Variants in RABGAP1L observed in about 807,000 individuals in gnomAD.
The protein encoded by RABGAP1L is RAB GTPase activating protein 1 like, also known as rab GTPase-activating protein 1-like.
A neutral mutation model predicts 137.7 loss-of-function variants in RABGAP1L; 63 were observed. The observed-to-expected ratio is 0.46, with a 90% CI of 0.37 to 0.56. The LOEUF (loss-of-function observed/expected upper bound fraction) is 0.56. Ranked by LOEUF, RABGAP1L falls within the 20% of genes least tolerant of loss-of-function variation. The probability of loss-of-function intolerance (pLI) is 0.00; values close to 1 mark genes in which losing one functional copy is unlikely to be tolerated. For missense variants in RABGAP1L, 1,095 were observed against 1,244.0 expected (o/e 0.88, Z 1.80); for synonymous variants, 431 against 433.7 (o/e 0.99, Z 0.08).
chr1:174,444,810 A>G (rs1654558024), intron 13 of RABGAP1L, among the ~76,000 whole-genome samples: 1 of 151,684 alleles, frequency 6.6e-6, no homozygotes, highest in South Asian at 2.1e-4. Flanking sequence ...GATTTTATTT[A>G]TTTGAGTCTT....
At chr1:174,896,968 T>C (rs951976693) in intron 19 of RABGAP1L, 4 of 152,224 alleles carry the variant, frequency 2.6e-5, no homozygotes, top group Non-Finnish European at 2.9e-5. Flanking sequence ...TTTTTCCAAT[T>C]CTGTGAAGAA....
At chr1:174,300,291 C>T (rs182422249) in intron 10 of RABGAP1L, among the ~76,000 whole-genome samples, 15 of 151,970 alleles carry the variant, frequency 9.9e-5, no homozygotes, top group Non-Finnish European at 1.6e-4. Context: ...TTTGGGAGGC[C>T]GAGGCTGGTG....
At chr1:174,642,331 GATTT>G (rs149378988) in intron 14 of RABGAP1L, among the ~76,000 whole-genome samples, 1,811 of 152,168 alleles carry the variant, frequency 0.012, 39 homozygotes, top group African/African-American at 0.042. Flanking sequence ...AAAAAGATTG[GATTT>G]ATTATAAAAA....
chr1:174,340,362 A>G (rs998247903), intron 11 of RABGAP1L, among the ~76,000 whole-genome samples: 9 of 152,094 alleles, frequency 5.9e-5, no homozygotes, highest in African/African-American at 2.2e-4. Context: ...GATTTGCTGA[A>G]AAGATCAGTC....
At chr1:174,209,502 G>T (rs772836666) in intron 1 of RABGAP1L, among the ~76,000 whole-genome samples, 1 of 152,222 alleles carries the variant, frequency 6.6e-6, no homozygotes, top group Non-Finnish European at 1.5e-5. Flanking sequence ...ACAGGATAAG[G>T]CTCCTCTGCC....
At chr1:174,543,035 A>G (rs189570002) in intron 13 of RABGAP1L, among the ~76,000 whole-genome samples, 47 of 152,324 alleles carry the variant, frequency 3.1e-4, no homozygotes, top group Admixed American at 3.0e-3. Context: ...ATTATGGAAT[A>G]AGGGTGATGT....
At chr1:174,237,149 T>C (rs1036777853) in intron 4 of RABGAP1L, among the ~76,000 whole-genome samples, 3 of 151,946 alleles carry the variant, frequency 2.0e-5, no homozygotes, top group African/African-American at 7.3e-5. Flanking sequence ...CTTTTATTTT[T>C]GAGCCTATGT....
At chr1:174,271,310 A>T (rs529505787) in intron 7 of RABGAP1L, among the ~76,000 whole-genome samples, 1 of 152,236 alleles carries the variant, frequency 6.6e-6, no homozygotes, top group Non-Finnish European at 1.5e-5. Context: ...AGGACCAGTG[A>T]TCTTGCTCAT....
At chr1:174,783,955 G>A (rs1270407111) in intron 18 of RABGAP1L, among the ~76,000 whole-genome samples, 2 of 141,956 alleles carry the variant, frequency 1.4e-5, no homozygotes, top group Non-Finnish European at 3.0e-5. Flanking sequence ...TGATCCTCCC[G>A]CCTCGCCCTC....
chr1:174,311,709 C>T (rs185105662), intron 11 of RABGAP1L, among the ~76,000 whole-genome samples: 75 of 152,242 alleles, frequency 4.9e-4, no homozygotes, highest in Non-Finnish European at 7.1e-4. Context: ...TGGGTTCAAG[C>T]GATTCTCTTG....
At chr1:174,213,024 T>C (rs941486689) in intron 1 of RABGAP1L, among the ~76,000 whole-genome samples, 1 of 152,150 alleles carries the variant, frequency 6.6e-6, no homozygotes, top group Admixed American at 6.5e-5. Flanking sequence ...CAATAACAAG[T>C]AATGAGATTG....
At chr1:174,321,318 C>T (rs1033238797) in intron 11 of RABGAP1L, among the ~76,000 whole-genome samples, 7 of 152,074 alleles carry the variant, frequency 4.6e-5, no homozygotes, top group African/African-American at 1.7e-4. Context: ...CTCGCTCTGC[C>T]CCCATTTGGC....
intron 13 of RABGAP1L, among the ~76,000 whole-genome samples, chr1:174,609,810 T>C (rs1010701860): frequency 6.6e-6 from 1 of 152,162 alleles, no homozygotes; most frequent in Non-Finnish European, 1.5e-5. Flanking sequence ...AGGGATTGAA[T>C]GTATCTTTAT....
rs10694829 is a variant in RABGAP1L at position 174,744,090 on chromosome 1, TAAAAAAAA to T, written c.2170-8203_2170-8196del. 4.0e-4 allele frequency among the ~76,000 whole-genome samples: 18 copies of T among 45,134 alleles called. No homozygotes were observed. The East Asian group carries it at 0.012, about 29-fold the overall frequency. 29.6% of individuals were successfully genotyped at this position (45,134 alleles called of 152,430 possible). On this transcript the variant is annotated intron_variant, in intron 17 of 25. Coordinates refer to ENST00000681986, the MANE Select transcript of RABGAP1L (RefSeq NM_001366446.1). Reference sequence around the variant, plus strand: ...CTACTATGTTGGTCTGTGAAATACGTAAAAAAAAAAAAAAAAAAAAAAAAAAAGCGATT... The same window carrying T: ...CTACTATGTTGGTCTGTGAAATACGTAAAAAAAAAAAAAAAAAAAGCGATT...
chr1:174,953,035 C>CAAAA lies in RABGAP1L; in HGVS notation c.2341-4408_2341-4405dup, dbSNP rs34788853. Among the ~76,000 whole-genome samples, 7 of 97,344 alleles carry CAAAA rather than the reference C, an allele frequency of 7.2e-5. 1 individual carries two copies. Among genetic ancestry groups the CAAAA allele is most frequent in the African/African-American group, 1.5e-4 (4 of 27,000 alleles). 63.9% of individuals were successfully genotyped at this position (97,344 alleles called of 152,430 possible). On this transcript the variant is annotated intron_variant, in intron 19 of 25. Transcript: ENST00000681986. ...AAATTAGCTAGGCATGGGTGGCATG[C>CAAAA]AAAAAAAAAAAAAAAAAGAACTAAT...
At chr1:174,434,099 G>A (rs988521602) in intron 13 of RABGAP1L, among the ~76,000 whole-genome samples, 4 of 118,428 alleles carry the variant, frequency 3.4e-5, no homozygotes, top group Non-Finnish European at 5.0e-5. Context: ...GAGCGCATGC[G>A]TGTACACATA....
At chr1:174,159,731 G>C (rs1664254569) in intron 1 of RABGAP1L, 74 bp downstream of exon 1, 1 of 152,656 alleles carries the variant, frequency 6.6e-6, no homozygotes, top group Non-Finnish European at 1.5e-5. Flanking sequence ...GGCTGCCTGG[G>C]TGTGTTGGCG....
Position 174,445,702 on chromosome 1 carries a change from A to G in RABGAP1L, c.1710+51557A>G, listed in dbSNP as rs547308711. ...AGACTTGGCAAATTTTTAATAATTA[A>G]TAAGTTTTTTCTGCCAATGAGCATT... On this transcript the variant is annotated intron_variant, in intron 13 of 25. Transcript: ENST00000681986. Among the ~76,000 whole-genome samples the G allele has an allele frequency of 5.9e-4, 90 of 152,320 alleles. 1 individual carries two copies. Among genetic ancestry groups the G allele is most frequent in the Middle Eastern group, 3.4e-3 (1 of 294 alleles).
chr1:174,427,393 T>G (rs1652091266), intron 13 of RABGAP1L, among the ~76,000 whole-genome samples: 1 of 152,078 alleles, frequency 6.6e-6, no homozygotes, highest in Non-Finnish European at 1.5e-5. Flanking sequence ...TTCATTTCTC[T>G]CTTAAGCATG....
Sources: allele counts gnomAD v4.1 joint callset (sites outside exome capture counted in the v4.1 genomes callset), GRCh38; gene constraint gnomAD v4.1.1; transcripts MANE v1.5; gene names NCBI Gene and HGNC (gene_info 2026-07-23, HGNC 2026-07-21).